PDXDC1: variants seen among roughly 807,000 people sequenced by gnomAD.
The protein encoded by PDXDC1 is pyridoxal-dependent decarboxylase domain-containing protein 1.
In PDXDC1, 42 loss-of-function variants were observed where a neutral mutation model predicts 100.1. The observed-to-expected ratio is 0.42, with a 90% CI of 0.33 to 0.54. The LOEUF is 0.54. Among genes scored for constraint, PDXDC1 ranks in the 20% least tolerant of loss-of-function variants. PDXDC1 has a pLI of 0.10. For missense variants in PDXDC1, 636 were observed against 979.2 expected, an observed-to-expected ratio of 0.65 and a Z score of 4.68; for synonymous variants, 260 against 371.7, an observed-to-expected ratio of 0.70 and a Z score of 3.46.
chr16:14,992,283 C>T (rs1230788765), intron 1 of PDXDC1, among the ~76,000 whole-genome samples: 1 of 152,276 alleles, frequency 6.6e-6, no homozygotes, highest in Non-Finnish European at 1.5e-5. Flanking sequence ...TCTGTAAAGG[C>T]TTCCTGGAAT....
At chr16:14,982,764 G>A (rs1187676301) in intron 1 of PDXDC1, among the ~76,000 whole-genome samples, 1 of 152,252 alleles carries the variant, frequency 6.6e-6, no homozygotes. Context: ...GCTTCTCAGT[G>A]GTATGTATTA....
chr16:14,983,135 C>T (rs1396583644), intron 1 of PDXDC1, among the ~76,000 whole-genome samples: 2 of 152,300 alleles, frequency 1.3e-5, no homozygotes, highest in East Asian at 3.9e-4. Flanking sequence ...TAAAAGTCCC[C>T]CAAATAAGAA....
rs567136959 is a variant in PDXDC1 at position 15,130,405 on chromosome 16, G to A, written c.1400-8474G>A. 39 of 1,563,466 alleles carry A rather than the reference G, an allele frequency of 2.5e-5. 1 individual carries two copies. The East Asian group carries it at 3.0e-4, about 12-fold the overall frequency. On this transcript the variant is annotated intron_variant, in intron 16 of 16. Coordinates refer to the PDXDC1 transcript ENST00000535621. ...ACGGACACCTCCAGCGCCGACAGGC[G>A]GAAGTGGCTGGAGAGGTTCAGACGG...
At chr16:15,031,335 C>A (rs1240556986) in intron 16 of PDXDC1, among the ~76,000 whole-genome samples, 1 of 152,118 alleles carries the variant, frequency 6.6e-6, no homozygotes, top group Non-Finnish European at 1.5e-5. Context: ...CCTGTCCTTC[C>A]TGTGTGGGGA....
chr16:15,035,460 T>A lies in PDXDC1; in HGVS notation c.2014T>A (p.Ser672Thr), dbSNP rs1197594128. ...CTCCTCTCCCGCAGGCTCTCTGGAG[T>A]CCACAGAACCCATATATGTCTACAA... ...TFNLTAGSLE[S>T]TEPIYVYKAQ... Residue 672 changes from serine to threonine, a missense_variant, in exon 22 of 23, where the codon TCC (serine) becomes ACC (threonine). By Grantham distance (58) the Ser-to-Thr change is moderately conservative (BLOSUM62 1). This residue lies in a region of PDXDC1 where 452 missense variants were observed against 402.9 expected (regional missense o/e 1.12). Transcript: ENST00000396410. 3 of 1,605,010 alleles carry A rather than the reference T, an allele frequency of 1.9e-6. No individual in the cohort carries two copies. Among genetic ancestry groups the A allele is most frequent in the Non-Finnish European group, 2.6e-6 (3 of 1,175,636 alleles).
chr16:15,035,133 C>T (rs1300133942), intron 21 of PDXDC1, among the ~76,000 whole-genome samples: 1 of 152,212 alleles, frequency 6.6e-6, no homozygotes, highest in East Asian at 1.9e-4. Flanking sequence ...AAAAGATAAT[C>T]TGATTTCTAA....
intron 16 of PDXDC1, among the ~76,000 whole-genome samples, chr16:15,122,960 C>G (rs1367395357): frequency 2.7e-5 from 4 of 150,092 alleles, no homozygotes; most frequent in Admixed American, 2.7e-4. Context: ...GGATCCGGTT[C>G]AAATTAAGTT....
intron 4 of PDXDC1, among the ~76,000 whole-genome samples, chr16:15,003,876 C>T (rs1273563705): frequency 2.6e-5 from 4 of 152,200 alleles, no homozygotes; most frequent in African/African-American, 4.8e-5. Flanking sequence ...TCCAGCTACT[C>T]GGGAGGCTGA....
Position 15,109,842 on chromosome 16 carries a change from C to CT in PDXDC1, c.1400-29036dup. Reference sequence around the variant, plus strand: ...CCAGCCTGGGCGACAGAGCGAGACTCTATCTCAAAATTTAAAAAAAAAAAA... The same window carrying CT: ...CCAGCCTGGGCGACAGAGCGAGACTCTTATCTCAAAATTTAAAAAAAAAAAA... On this transcript the variant is annotated intron_variant, in intron 16 of 16. Coordinates refer to the PDXDC1 transcript ENST00000535621. Among the ~76,000 whole-genome samples the CT allele has an allele frequency of 1.5e-5, 2 of 133,712 alleles. 1 individual carries two copies. The highest frequency in any genetic ancestry group is 3.3e-5 in the Non-Finnish European group (2 of 60,898). The allele number at this position is 133,712 out of a possible 152,430, so 87.7% of individuals were successfully genotyped here. A position where few individuals can be genotyped will look rare whatever the true frequency, so the allele number is the denominator to read the frequency against.
At chr16:15,058,709 T>C (rs1339470166) in intron 16 of PDXDC1, among the ~76,000 whole-genome samples, 1 of 152,192 alleles carries the variant, frequency 6.6e-6, no homozygotes, top group African/African-American at 2.4e-5. Flanking sequence ...CCAGCCTGGG[T>C]GACAGAGTGA....
chr16:15,004,889 T>A (rs1973931806), intron 5 of PDXDC1, among the ~76,000 whole-genome samples: 1 of 152,292 alleles, frequency 6.6e-6, no homozygotes, highest in South Asian at 2.1e-4. Flanking sequence ...TACACTGTAT[T>A]GTTTAGGGAA....
chr16:14,986,267 G>A (rs1469771760), intron 1 of PDXDC1, among the ~76,000 whole-genome samples: 4 of 152,290 alleles, frequency 2.6e-5, no homozygotes, highest in Non-Finnish European at 4.4e-5. Context: ...GAGGGCAGGA[G>A]TTTGACCCGG....
chr16:15,053,480 T>A (rs28559284), intron 16 of PDXDC1, among the ~76,000 whole-genome samples: 2 of 152,208 alleles, frequency 1.3e-5, no homozygotes, highest in African/African-American at 2.4e-5. Flanking sequence ...ATCATTTTTT[T>A]AAAAAAAGTA....
intron 5 of PDXDC1, among the ~76,000 whole-genome samples, chr16:15,005,921 C>G (rs13337925): frequency 0.23 from 33,481 of 146,098 alleles, 455 homozygotes; most frequent in African/African-American, 0.35. Context: ...AACTCCTGGT[C>G]AGGTGATCCA....
At chr16:15,018,217 A>C (rs1369437779) in intron 11 of PDXDC1, among the ~76,000 whole-genome samples, 3 of 152,164 alleles carry the variant, frequency 2.0e-5, no homozygotes, top group Admixed American at 2.0e-4. Flanking sequence ...CCTGGGCAAC[A>C]TGGTGAAACC....
chr16:15,008,712 G>C, intron 6 of PDXDC1, 67 bp from the exon 7 acceptor site: 1 of 1,458,438 alleles, frequency 6.9e-7, no homozygotes, highest in Non-Finnish European at 9.5e-7. Context: ...TAGAGCCACA[G>C]CCTTTCACAA....
chr16:15,081,460 T>A (rs1177025066), intron 16 of PDXDC1, among the ~76,000 whole-genome samples: 1 of 152,226 alleles, frequency 6.6e-6, no homozygotes, highest in African/African-American at 2.4e-5. Flanking sequence ...GCTAATGATG[T>A]TGAGCTTCTT....
At chr16:15,149,783 A>G in the PDXDC1 span, among the ~76,000 whole-genome samples, 6 of 152,114 alleles carry the variant, frequency 3.9e-5, no homozygotes, top group Non-Finnish European at 7.4e-5. Flanking sequence ...AGTGGCAACC[A>G]GCACCAGAAG....
intron 1 of PDXDC1, among the ~76,000 whole-genome samples, chr16:14,983,690 A>G (rs1968551750): frequency 6.6e-6 from 1 of 152,124 alleles, no homozygotes. Flanking sequence ...TGGCCACATC[A>G]CTGTACCACC....
Sources: gnomAD v4.1 joint callset for allele counts (sites outside exome capture counted in the v4.1 genomes callset) on GRCh38, gnomAD v4.1.1 for gene constraint, gnomAD v4.1.1 regional missense constraint, MANE v1.5 for transcripts, NCBI Gene and HGNC (gene_info 2026-07-23, HGNC 2026-07-21) for gene names.